The following NPC1 variants were observed in gnomAD, a reference collection of about 807,000 sequenced individuals.
The protein encoded by NPC1 is NPC intracellular cholesterol transporter 1.
A neutral mutation model predicts 140.4 loss-of-function variants in NPC1; 85 were observed. The observed-to-expected ratio is 0.61, with a 90% confidence interval of 0.51 to 0.72. The LOEUF is 0.72. Ranked by LOEUF, NPC1 falls within the 30% of genes least tolerant of loss-of-function variation. NPC1 has a pLI of 0.00. For missense variants in NPC1, 1,504 were observed against 1,623.8 expected, an observed-to-expected ratio of 0.93 and a Z score of 1.27; for synonymous variants, 656 against 624.8, an observed-to-expected ratio of 1.05 and a Z score of -0.74.
At chr18:23,524,766 C>T (rs750142542), downstream of NPC1, among the ~76,000 whole-genome samples, 1 of 151,772 alleles carries the variant, frequency 6.6e-6, no homozygotes, top group Non-Finnish European at 1.5e-5. Flanking sequence ...GATGGAAAGC[C>T]GGACTCCACC....
intron 4 of NPC1, among the ~76,000 whole-genome samples, chr18:23,562,296 CAAAA>C (rs11294706): frequency 3.8e-5 from 5 of 132,582 alleles, no homozygotes; most frequent in Non-Finnish European, 6.7e-5. Flanking sequence ...CACAAAAAAA[CAAAA>C]AAAAAAAACA....
At chr18:23,529,409 T>A, downstream of NPC1, 1 of 1,462,222 alleles carries the variant, frequency 6.8e-7, no homozygotes, top group South Asian at 1.4e-5. Context: ...TTAGAATCAC[T>A]GGAGTTTCCT....
intron 4 of NPC1, among the ~76,000 whole-genome samples, chr18:23,565,210 AAC>A (rs1255424902): frequency 3.3e-5 from 5 of 152,232 alleles, no homozygotes; most frequent in Non-Finnish European, 7.3e-5. Flanking sequence ...TTGGGATTAT[AAC>A]AGAGATTGCC....
rs186588103 is a variant in NPC1, at chr18:23,539,351, G to A, written c.2911+4C>T. The A allele has an allele frequency of 1.0e-5, 16 of 1,593,412 alleles. No individual in the cohort carries two copies. In the African/African-American group the frequency reaches 2.0e-4, roughly 20 times the overall value. ...CAGGAAAGATTTGGTAAAGGAGAAG[G>A]TACCTGAAGCATTGCAGAACTGGTC... is the stretch of plus-strand genomic sequence containing the variant. On this transcript the variant is annotated splice_donor_region_variant and intron_variant, in intron 19 of 24. Transcript: ENST00000269228.
chr18:23,518,918 A>C, downstream of NPC1: 1 of 1,614,096 alleles, frequency 6.2e-7, no homozygotes, highest in African/African-American at 1.3e-5. Flanking sequence ...TCTCTTCTTG[A>C]GGCATCATTC....
Position 23,531,562 on chromosome 18 carries a change from A to C in NPC1, c.*640T>G. On this transcript the variant is annotated 3_prime_UTR_variant, in exon 25 of 25. Transcript: ENST00000269228. ...AAAACCCAGTAGACACACCTACGAG[A>C]TGCTTTCTTTGTCCCTCATTTCATG... 6.3e-7 allele frequency: 1 copy of C among 1,586,824 alleles called. No homozygotes were observed. Among genetic ancestry groups the C allele is most frequent in the South Asian group, 1.2e-5 (1 of 86,170 alleles).
intron 8 of NPC1, 108 bp downstream of exon 8, chr18:23,556,134 TA>T: frequency 1.0e-6 from 1 of 979,094 alleles, no homozygotes; most frequent in Non-Finnish European, 1.6e-6. Flanking sequence ...ATTTTCAAGA[TA>T]TACCATGACA....
At position 23,544,949 on chromosome 18, in the gene NPC1, C is replaced by CCCCCCA. The variant is rs778092499; in HGVS notation, c.1947+10_1947+11insTGGGGG. On this transcript the variant is annotated intron_variant, in intron 12 of 24. Coordinates refer to ENST00000269228, the MANE Select transcript of NPC1 (RefSeq NM_000271.5). ...AACCTCTAGAACATACACCACCCCC[C>CCCCCCA]CCCGGCTTACCAGAAGCCTGCGACA... 7.1e-7 allele frequency: 1 copy of CCCCCCA among 1,402,082 alleles called. No homozygotes were observed. Among genetic ancestry groups the CCCCCCA allele is most frequent in the Non-Finnish European group, 1.0e-6 (1 of 1,000,342 alleles). The allele number at this position is 1,402,082 out of a possible 1,614,324, so 86.9% of individuals were successfully genotyped here.
At chr18:23,543,219 T>C (rs1348764075) in intron 14 of NPC1, among the ~76,000 whole-genome samples, 1 of 151,178 alleles carries the variant, frequency 6.6e-6, no homozygotes, top group Non-Finnish European at 1.5e-5. Context: ...ATCCCAGCTA[T>C]TTGGGAGGCT....
chr18:23,561,662 T>C, intron 4 of NPC1, 135 bp from the exon 5 acceptor site: 1 of 844,770 alleles, frequency 1.2e-6, no homozygotes, highest in Non-Finnish European at 2.0e-6. Flanking sequence ...CAGCAAACAC[T>C]AACTAAGGGC....
intron 3 of NPC1, 35 bp downstream of exon 3, chr18:23,572,039 C>T (rs1168558018): frequency 3.6e-6 from 5 of 1,378,948 alleles, no homozygotes; most frequent in South Asian, 3.5e-5. Context: ...CAAGTATCTA[C>T]AGCCCAGTTG....
chr18:23,511,653 CTT>C (rs879564586), intron 3 of NPC1, among the ~76,000 whole-genome samples: 8 of 141,010 alleles, frequency 5.7e-5, no homozygotes, highest in Non-Finnish European at 6.2e-5. Context: ...TTGCAGCTAG[CTT>C]TTTTTTTTTT....
chr18:23,575,689 A>G (rs1378183210), intron 1 of NPC1, among the ~76,000 whole-genome samples: 1 of 148,920 alleles, frequency 6.7e-6, no homozygotes, highest in Non-Finnish European at 1.5e-5. Flanking sequence ...TTAACACCTG[A>G]GCCCAGGAAA....
At chr18:23,548,533 C>T (rs1232386930) in intron 10 of NPC1, among the ~76,000 whole-genome samples, 2 of 152,110 alleles carry the variant, frequency 1.3e-5, no homozygotes, top group Non-Finnish European at 1.5e-5. Context: ...ACAGATTCTT[C>T]CCCTTTCCCT....
At position 23,540,443 on chromosome 18, in the gene NPC1, C is replaced by A; in HGVS notation, c.2604+5G>T. 3 of 1,527,068 alleles carry A rather than the reference C, an allele frequency of 2.0e-6. No homozygotes were observed. Among genetic ancestry groups the A allele is most frequent in the Non-Finnish European group, 2.7e-6 (3 of 1,106,252 alleles). 94.6% of individuals were successfully genotyped at this position (1,527,068 alleles called of 1,614,324 possible). A position where few individuals can be genotyped will look rare whatever the true frequency, so the allele number is the denominator to read the frequency against. ...AAAAAAAAAAAAAAAAGGAAGTCAT[C>A]TTACATCTGGCATCGAAAGAGACTG... is the stretch of plus-strand genomic sequence containing the variant. On this transcript the variant is annotated splice_donor_5th_base_variant and intron_variant, in intron 17 of 24. Transcript: ENST00000269228.
At chr18:23,553,375 G>A (rs1191189636) in intron 9 of NPC1, among the ~76,000 whole-genome samples, 1 of 152,182 alleles carries the variant, frequency 6.6e-6, no homozygotes, top group African/African-American at 2.4e-5. Context: ...GAGAATGCCG[G>A]TTTAGGGTAT....
intron 10 of NPC1, among the ~76,000 whole-genome samples, chr18:23,550,688 G>C (rs1283617235): frequency 1.3e-5 from 2 of 151,702 alleles, no homozygotes; most frequent in Non-Finnish European, 2.9e-5. Context: ...GGGTTTCACT[G>C]TGTTAGCCAG....
intron 9 of NPC1, among the ~76,000 whole-genome samples, chr18:23,553,019 C>A (rs1033211285): frequency 1.3e-5 from 2 of 152,146 alleles, no homozygotes; most frequent in African/African-American, 4.8e-5. Context: ...TGAAAAAGTC[C>A]AGGAAAAGCT....
chr18:23,586,409 C>G lies in NPC1; in HGVS notation c.-66G>C. The G allele has an allele frequency of 3.3e-6, 5 of 1,527,808 alleles. No homozygotes were observed. The South Asian group carries it at 6.0e-5, about 18-fold the overall frequency. The allele number at this position is 1,527,808 out of a possible 1,614,324, so 94.6% of individuals were successfully genotyped here. The stretch of plus-strand genomic sequence containing the variant: ...CTGGTTGGGCTCCCCGGAGGCGGCT[C>G]TACTTCCCCGGGCTGTTTCAGCACC... On this transcript the variant is annotated 5_prime_UTR_variant, in exon 1 of 25. Transcript: ENST00000269228.
Sources: allele counts gnomAD v4.1 joint callset (sites outside exome capture counted in the v4.1 genomes callset), GRCh38; gene constraint gnomAD v4.1.1; transcripts MANE v1.5; gene names NCBI Gene and HGNC (gene_info 2026-07-23, HGNC 2026-07-21).